Variants in HEG1 observed in about 807,000 individuals in gnomAD.
HEG1 encodes heart development protein with EGF like domains 1.
A neutral mutation model predicts 125.6 loss-of-function variants in HEG1; 56 were observed. The ratio of observed to expected loss-of-function variants is 0.45; its 90% CI spans 0.36 to 0.56. The LOEUF (loss-of-function observed/expected upper bound fraction) is 0.56. Among genes scored for constraint, HEG1 ranks in the 20% least tolerant of loss-of-function variants. The probability of loss-of-function intolerance (pLI) is 0.00; values close to 1 mark genes in which losing one functional copy is unlikely to be tolerated. For missense variants in HEG1, 1,523 were observed against 1,670.0 expected (o/e 0.91, Z 1.53); for synonymous variants, 644 against 668.5 (o/e 0.96, Z 0.57).
chr3:125,009,100 T>C (rs901900733), intron 8 of HEG1, among the ~76,000 whole-genome samples: 3 of 152,240 alleles, frequency 2.0e-5, no homozygotes, highest in Non-Finnish European at 4.4e-5. Context: ...ATCAAACAGC[T>C]TCATCATGAA....
At position 125,019,505 on chromosome 3, in the gene HEG1, T is replaced by C; in HGVS notation, c.1345A>G (p.Met449Val). 3.7e-6 allele frequency: 6 copies of C among 1,614,026 alleles called. No individual in the cohort carries two copies. Among genetic ancestry groups the C allele is most frequent in the Non-Finnish European group, 5.1e-6 (6 of 1,179,894 alleles). Residue 449 changes from methionine (M) to valine (V), a missense_variant, in exon 5 of 17, where the codon ATG (methionine) becomes GTG (valine). Met to Val is a conservative substitution (Grantham distance 21, BLOSUM62 1). Coordinates refer to ENST00000311127, the MANE Select transcript of HEG1 (RefSeq NM_020733.2). The stretch of plus-strand genomic sequence containing the variant: ...TGTGCAGTGATCTCTCCACCTCTCA[T>C]GGGTGCGACTGACCTAGACACAGTC... ...TETVSRSVAP[M>V]RGGEITAHWL...
In HEG1 at chr3:125,020,946, G is replaced by A; in HGVS notation, c.1098C>T (p.Ala366=). ...TEGFPKDSRI[A]TTSSSVLLSP... ...AAAGAAGGACTGAGGATGAAGTCGT[G>A]GCAATTCTGGAGTCCTTGGGGAAGC... The change falls in exon 4 of 17, where the codon GCC becomes GCT. Residue 366 remains alanine (A), a synonymous_variant. Coordinates refer to ENST00000311127, the MANE Select transcript of HEG1 (RefSeq NM_020733.2). 1.2e-6 allele frequency: 2 copies of A among 1,613,998 alleles called. No homozygotes were observed. Among genetic ancestry groups the A allele is most frequent in the African/African-American group, 2.7e-5 (2 of 75,036 alleles).
In HEG1 at chr3:125,028,214, G is replaced by A. The variant is rs535154636; in HGVS notation, c.611-707C>T. Among the ~76,000 whole-genome samples, 37 of 152,348 alleles carry A rather than the reference G, an allele frequency of 2.4e-4. No individual in the cohort carries two copies. In the South Asian group the frequency reaches 7.5e-3, roughly 31 times the overall value. ...CTCCTACCCCCATGCTAGACATCCT[G>A]TAACCTGCCTGCCAGGCGAATCCTC... On this transcript the variant is annotated intron_variant, in intron 2 of 16. Transcript: ENST00000311127.
chr3:124,998,702 C>A (rs1936959453), intron 11 of HEG1, among the ~76,000 whole-genome samples: 1 of 152,298 alleles, frequency 6.6e-6, no homozygotes, highest in Non-Finnish European at 1.5e-5. Context: ...GGGCATATGG[C>A]CCTCTGTGAA....
chr3:124,988,173 T>G (rs1042456302), intron 14 of HEG1, among the ~76,000 whole-genome samples: 3 of 151,708 alleles, frequency 2.0e-5, no homozygotes, highest in African/African-American at 7.3e-5. Context: ...GAAATGAGAT[T>G]CACACGAAAA....
At chr3:125,031,825 C>G (rs1937507113) in intron 1 of HEG1, among the ~76,000 whole-genome samples, 1 of 151,892 alleles carries the variant, frequency 6.6e-6, no homozygotes, top group Admixed American at 6.6e-5. Flanking sequence ...CATACACACA[C>G]ACACACGCAC....
At chr3:125,016,633 T>C (rs955872518) in intron 5 of HEG1, among the ~76,000 whole-genome samples, 2 of 152,226 alleles carry the variant, frequency 1.3e-5, no homozygotes, top group African/African-American at 4.8e-5. Flanking sequence ...CGCTTGTGTG[T>C]GTGGTATTCT....
chr3:124,970,733 T>C lies in HEG1; in HGVS notation c.4065A>G (p.Gly1355=). ...GLYPAYTGLP[G]SRHSCIFPGQ... is the part of the protein sequence containing the mutation. The stretch of plus-strand genomic sequence containing the variant: ...CGGGGAAAATGCAAGAATGCCGTGA[T>C]CCTGGCAGTCCAGTGTAGGCCGGGT... The change falls in exon 17 of 17, where the codon GGA becomes GGG. Residue 1355 remains glycine, a synonymous_variant. Transcript: ENST00000311127. The C allele has an allele frequency of 6.2e-7, 1 of 1,610,490 alleles. No homozygotes were observed. Among genetic ancestry groups the C allele is most frequent in the South Asian group, 1.1e-5 (1 of 89,942 alleles).
intron 14 of HEG1, among the ~76,000 whole-genome samples, chr3:124,989,897 T>C (rs1231508382): frequency 2.6e-5 from 4 of 152,256 alleles, no homozygotes; most frequent in East Asian, 1.9e-4. Context: ...AGCCTGGTGA[T>C]CCCAACCCCA....
rs1159336750 is a variant in HEG1 at position 124,965,890 on chromosome 3, A to G, written c.*4762T>C. On this transcript the variant is annotated 3_prime_UTR_variant, in exon 17 of 17. Transcript: ENST00000311127. The stretch of plus-strand genomic sequence containing the variant: ...ATAACATTCTCATAATGGGTTTAAC[A>G]CAATCAACCAGGGGCTAAGGTTTAA... 6.6e-6 allele frequency: 1 copy of G among 152,214 alleles called. No homozygotes were observed. The highest frequency in any genetic ancestry group is 1.5e-5 in the Non-Finnish European group (1 of 68,038). 9.4% of individuals were successfully genotyped at this position (152,214 alleles called of 1,614,324 possible).
intron 1 of HEG1, among the ~76,000 whole-genome samples, chr3:125,043,873 G>A (rs930697567): frequency 6.6e-6 from 1 of 152,196 alleles, no homozygotes; most frequent in Non-Finnish European, 1.5e-5. Context: ...AGGAGGAAGA[G>A]GGGGGAGAGG....
chr3:124,980,290 G>T (rs1274685603), intron 14 of HEG1, among the ~76,000 whole-genome samples: 1 of 152,080 alleles, frequency 6.6e-6, no homozygotes, highest in Non-Finnish European at 1.5e-5. Context: ...ACCCTCTGTG[G>T]CTCCCTTTTT....
intron 1 of HEG1, among the ~76,000 whole-genome samples, chr3:125,030,850 C>G (rs530411462): frequency 2.0e-5 from 3 of 152,008 alleles, no homozygotes; most frequent in African/African-American, 7.3e-5. Flanking sequence ...GCCCCTCACT[C>G]GCCAGCTGTG....
At chr3:124,976,733 G>T (rs7623930) in intron 15 of HEG1, among the ~76,000 whole-genome samples, 53,501 of 151,688 alleles carry the variant, frequency 0.35, 10,329 homozygotes, top group African/African-American at 0.51. Flanking sequence ...CTCATGAAAG[G>T]ACTAATACCT....
At chr3:125,043,138 G>A (rs926202575) in intron 1 of HEG1, among the ~76,000 whole-genome samples, 2 of 152,246 alleles carry the variant, frequency 1.3e-5, no homozygotes, top group Admixed American at 6.5e-5. Flanking sequence ...CCCTGCAAGC[G>A]CTCTAGCGAT....
At position 125,055,598 on chromosome 3, in the gene HEG1, C is replaced by A. The variant is rs752135717; in HGVS notation, c.293G>T (p.Arg98Leu). ...GAATQRGPSG[R>L]APRGGSADAA... ...ACCCGCGCTCCCGCCTCTGGGGGCC[C>A]GGCCGGAGGGTCCCCGCTGTGTCGC... Residue 98 changes from arginine to leucine, a missense_variant, in exon 1 of 17, where the codon CGG becomes CTG. By Grantham distance (102) the Arg-to-Leu change is moderately radical. Coordinates refer to ENST00000311127, the MANE Select transcript of HEG1 (RefSeq NM_020733.2). The A allele has an allele frequency of 8.3e-7, 1 of 1,205,402 alleles. No individual in the cohort carries two copies. The highest frequency in any genetic ancestry group is 1.0e-6 in the Non-Finnish European group (1 of 970,674). The allele number at this position is 1,205,402 out of a possible 1,614,324, so 74.7% of individuals were successfully genotyped here.
chr3:124,980,608 C>A (rs1936631336), intron 14 of HEG1, among the ~76,000 whole-genome samples: 1 of 150,646 alleles, frequency 6.6e-6, no homozygotes, highest in African/African-American at 2.4e-5. Context: ...CCTCTTCCTC[C>A]CAGGTTCAAG....
chr3:125,003,526 T>C (rs1253881503), intron 9 of HEG1, among the ~76,000 whole-genome samples: 1 of 152,180 alleles, frequency 6.6e-6, no homozygotes, highest in African/African-American at 2.4e-5. Context: ...TGGGAGGCCA[T>C]CTCTAAGCCC....
At chr3:124,973,086 A>G (rs1936474646) in intron 16 of HEG1, among the ~76,000 whole-genome samples, 1 of 151,848 alleles carries the variant, frequency 6.6e-6, no homozygotes, top group African/African-American at 2.4e-5. Flanking sequence ...CAGTGGTGCA[A>G]TCTTGGCTCA....
Sources: gnomAD v4.1 joint callset for allele counts (sites outside exome capture counted in the v4.1 genomes callset) on GRCh38, gnomAD v4.1.1 for gene constraint, MANE v1.5 for transcripts, NCBI Gene and HGNC (gene_info 2026-07-23, HGNC 2026-07-21) for gene names.